The following DMXL2 variants were observed in gnomAD, a reference collection of about 807,000 sequenced individuals.
DMXL2 encodes dmX-like protein 2.
In DMXL2, 103 loss-of-function variants were observed where a neutral mutation model predicts 331.1. The ratio of observed to expected loss-of-function variants is 0.31; its 90% CI spans 0.27 to 0.37. DMXL2 has a LOEUF of 0.37. Ranked by LOEUF, DMXL2 falls within the 10% of genes least tolerant of loss-of-function variation. The pLI is 1.00. For missense variants in DMXL2, 3,171 were observed against 3,642.9 expected (o/e 0.87, Z 3.33); for synonymous variants, 1,281 against 1,252.1 (o/e 1.02, Z -0.49).
intron 2 of DMXL2, among the ~76,000 whole-genome samples, chr15:51,572,962 A>G (rs540148953): frequency 6.6e-6 from 1 of 152,338 alleles, no homozygotes; most frequent in Admixed American, 6.5e-5. Context: ...AAAGAAATAA[A>G]GGGTATTCAA....
At chr15:51,521,356 T>C (rs1026324715) in intron 13 of DMXL2, among the ~76,000 whole-genome samples, 4 of 151,634 alleles carry the variant, frequency 2.6e-5, no homozygotes, top group Admixed American at 2.6e-4. Context: ...AGTGAGTTAA[T>C]ATATATAAAA....
chr15:51,537,951 A>G (rs1028336229), intron 10 of DMXL2, among the ~76,000 whole-genome samples, 192 bp from the exon 11 acceptor site: 1 of 152,232 alleles, frequency 6.6e-6, no homozygotes, highest in African/African-American at 2.4e-5. Context: ...TTAAAACTTC[A>G]TTCACCCTAT....
chr15:51,455,101 T>C (rs747722621), intron 40 of DMXL2, 50 bp downstream of exon 40: 10 of 1,413,332 alleles, frequency 7.1e-6, no homozygotes, highest in Admixed American at 5.0e-5. Context: ...AGACACTTCA[T>C]GAACAAAGTG....
intron 16 of DMXL2, among the ~76,000 whole-genome samples, chr15:51,504,932 A>G (rs1302138110): frequency 6.6e-6 from 1 of 152,248 alleles, no homozygotes; most frequent in Non-Finnish European, 1.5e-5. Flanking sequence ...CAGGAAAAAA[A>G]GCAAAGACTT....
chr15:51,519,929 G>A (rs990374195), intron 13 of DMXL2, among the ~76,000 whole-genome samples: 4 of 152,004 alleles, frequency 2.6e-5, no homozygotes, highest in Non-Finnish European at 5.9e-5. Context: ...AGGGTTCACC[G>A]CACCCAGCCC....
intron 29 of DMXL2, among the ~76,000 whole-genome samples, chr15:51,467,761 C>G (rs1292565753): frequency 1.3e-5 from 2 of 148,978 alleles, no homozygotes; most frequent in African/African-American, 2.5e-5. Context: ...GAGTCTCACT[C>G]TGTTGCCCAG....
chr15:51,580,396 A>C (rs1349057179), intron 1 of DMXL2, among the ~76,000 whole-genome samples: 1 of 152,164 alleles, frequency 6.6e-6, no homozygotes, highest in East Asian at 1.9e-4. Flanking sequence ...TAGTAAACTA[A>C]CCTCTTCACA....
Position 51,457,457 on chromosome 15 carries a change from A to G in DMXL2, c.8208T>C (p.Asp2736=). The change falls in exon 37 of 44, where the codon GAT becomes GAC. Residue 2736 remains aspartate, a synonymous_variant. Coordinates refer to ENST00000560891, the MANE Select transcript of DMXL2 (RefSeq NM_001378457.1). Reference sequence around the variant, plus strand: ...TTGTAGTGGAACCACGATAATCAACATCATCTGAACTGTGAAAAACATTCA... The same window carrying G: ...TTGTAGTGGAACCACGATAATCAACGTCATCTGAACTGTGAAAAACATTCA... ...EYDRESKSSD[D]VDYRGSTTTL... is the part of the protein sequence containing the mutation. 6.2e-7 allele frequency: 1 copy of G among 1,614,198 alleles called. No individual in the cohort carries two copies. Among genetic ancestry groups the G allele is most frequent in the Non-Finnish European group, 8.5e-7 (1 of 1,180,008 alleles).
chr15:51,539,756 G>C (rs1175451121), intron 9 of DMXL2, among the ~76,000 whole-genome samples: 2 of 152,096 alleles, frequency 1.3e-5, no homozygotes, highest in Non-Finnish European at 2.9e-5. Context: ...CTGCACTCTA[G>C]CCTGGGTGAC....
At chr15:51,593,306 A>G (rs188468647) in intron 1 of DMXL2, among the ~76,000 whole-genome samples, 273 of 152,320 alleles carry the variant, frequency 1.8e-3, no homozygotes, top group African/African-American at 6.4e-3. Context: ...CAAAGATCAA[A>G]AGAGACAAAG....
rs575235762 is a variant in DMXL2 at position 51,469,144 on chromosome 15, G to T, written c.7392+2079C>A. The stretch of plus-strand genomic sequence containing the variant: ...GAATATGTGATAATATTAAAGAATT[G>T]TGGGTGTGCTTCTGTGGGTGTAACA... On this transcript the variant is annotated intron_variant, in intron 29 of 43. Coordinates refer to ENST00000560891, the MANE Select transcript of DMXL2 (RefSeq NM_001378457.1). Among the ~76,000 whole-genome samples the T allele has an allele frequency of 2.0e-5, 3 of 151,912 alleles. No homozygotes were observed. The East Asian group carries it at 5.8e-4, about 29-fold the overall frequency.
At chr15:51,576,425 C>A (rs1466009515) in intron 1 of DMXL2, among the ~76,000 whole-genome samples, 1 of 152,116 alleles carries the variant, frequency 6.6e-6, no homozygotes, top group Non-Finnish European at 1.5e-5. Flanking sequence ...AGGGTTCTTC[C>A]AGTTCTTAGA....
intron 1 of DMXL2, among the ~76,000 whole-genome samples, chr15:51,607,459 A>G (rs1399570012): frequency 6.6e-6 from 1 of 152,176 alleles, no homozygotes; most frequent in Non-Finnish European, 1.5e-5. Context: ...CCGTCTCAAA[A>G]AAAGAAAAAA....
intron 24 of DMXL2, 135 bp downstream of exon 24, chr15:51,480,407 G>T: frequency 9.1e-7 from 1 of 1,101,168 alleles, no homozygotes; most frequent in Non-Finnish European, 1.2e-6. Flanking sequence ...ATAAATATCT[G>T]CCTCCTATAA....
At chr15:51,535,599 G>C (rs886424931) in intron 13 of DMXL2, 64 bp downstream of exon 13, 96 of 1,476,662 alleles carry the variant, frequency 6.5e-5, no homozygotes, top group Non-Finnish European at 8.1e-5. Flanking sequence ...ACAGGTCCTA[G>C]ACAAAGTCAA....
At position 51,491,814 on chromosome 15, in the gene DMXL2, T is replaced by C. The variant is rs952644116; in HGVS notation, c.4784-67A>G. 16 of 1,367,630 alleles carry C rather than the reference T, an allele frequency of 1.2e-5. No individual in the cohort carries two copies. The African/African-American group carries it at 2.1e-4, about 18-fold the overall frequency. The allele number at this position is 1,367,630 out of a possible 1,614,324, so 84.7% of individuals were successfully genotyped here. On this transcript the variant is annotated intron_variant, in intron 19 of 43. Coordinates refer to ENST00000560891, the MANE Select transcript of DMXL2 (RefSeq NM_001378457.1). ...AAATAAGAAGAAAAACAATTTTTCA[T>C]GCAGTCACATACGCATTCATTTTGG...
rs2042380883 is a variant in DMXL2 at position 51,486,149 on chromosome 15, A to G, written c.5406T>C (p.Tyr1802=). 1 of 1,613,930 alleles carries G rather than the reference A, an allele frequency of 6.2e-7. No homozygotes were observed. Among genetic ancestry groups the G allele is most frequent in the Non-Finnish European group, 8.5e-7 (1 of 1,179,936 alleles). The change falls in exon 23 of 44, where the codon TAT becomes TAC. Residue 1802 remains tyrosine, a synonymous_variant. Transcript: ENST00000560891. ...HPDPFLRSLA[Y]WVMKDYTRAL... ...CTCGGGTGTAATCTTTCATTACCCA[A>G]TAGGCAAGACTACGCAGGAAAGGAT...
At chr15:51,471,160 T>C (rs2041071988) in intron 29 of DMXL2, 63 bp downstream of exon 29, 1 of 1,485,976 alleles carries the variant, frequency 6.7e-7, no homozygotes, top group Non-Finnish European at 9.2e-7. Flanking sequence ...GTGAGACACA[T>C]GCAAGAGTTA....
At chr15:51,451,621 T>A (rs751690393) in intron 42 of DMXL2, 24 bp downstream of exon 42, 12 of 1,588,006 alleles carry the variant, frequency 7.6e-6, no homozygotes, top group Non-Finnish European at 1.0e-5. Flanking sequence ...GGTATATTTT[T>A]AAAAATCATA....
Sources: gnomAD v4.1 joint callset for allele counts (sites outside exome capture counted in the v4.1 genomes callset) on GRCh38, gnomAD v4.1.1 for gene constraint, MANE v1.5 for transcripts, NCBI Gene and HGNC (gene_info 2026-07-23, HGNC 2026-07-21) for gene names.